GLCCI1: variants seen among roughly 807,000 people sequenced by gnomAD.
GLCCI1 encodes the protein glucocorticoid induced 1.
GLCCI1 carries 24 observed loss-of-function variants against 52.2 expected under a neutral mutation model. The observed-to-expected ratio is 0.46, with a 90% CI of 0.33 to 0.65. The LOEUF (loss-of-function observed/expected upper bound fraction) is 0.65, where lower values mean the gene tolerates loss of function less well. Ranked by LOEUF, GLCCI1 falls within the 30% of genes least tolerant of loss-of-function variation. The pLI is 0.02. For missense variants in GLCCI1, 704 were observed against 701.5 expected (o/e 1.00, Z -0.04); for synonymous variants, 310 against 276.5 (o/e 1.12, Z -1.20).
chr7:7,995,181 CT>C lies in GLCCI1; in HGVS notation c.458-8722del, dbSNP rs144763752. 2.2e-3 allele frequency among the ~76,000 whole-genome samples: 329 copies of C among 152,204 alleles called. 2 individuals are homozygous for C. Among genetic ancestry groups the C allele is most frequent in the African/African-American group, 7.5e-3 (312 of 41,538 alleles). On this transcript the variant is annotated intron_variant, in intron 1 of 7. Transcript: ENST00000223145. Reference sequence around the variant, plus strand: ...AAAAAGCAAATTTTGAGGGAAAATGCTTTTTCCTATGTGTCATTATATTGAG... The same window carrying C: ...AAAAAGCAAATTTTGAGGGAAAATGCTTTTCCTATGTGTCATTATATTGAG...
chr7:8,021,050 T>C (rs1781474782), intron 2 of GLCCI1, among the ~76,000 whole-genome samples: 1 of 152,208 alleles, frequency 6.6e-6, no homozygotes, highest in African/African-American at 2.4e-5. Flanking sequence ...TAAAAACTTC[T>C]TTTTACTAGT....
chr7:7,994,829 A>G (rs969460902), intron 1 of GLCCI1, among the ~76,000 whole-genome samples: 1 of 152,218 alleles, frequency 6.6e-6, no homozygotes, highest in Non-Finnish European at 1.5e-5. Context: ...TATTTAATGG[A>G]CAGAAAATGC....
At chr7:8,010,160 AC>A (rs1193892664) in intron 2 of GLCCI1, among the ~76,000 whole-genome samples, 1 of 152,120 alleles carries the variant, frequency 6.6e-6, no homozygotes, top group African/African-American at 2.4e-5. Flanking sequence ...TCAAAATGTC[AC>A]CTCTTTTGAA....
chr7:8,079,100 A>G (rs566683443), intron 6 of GLCCI1, among the ~76,000 whole-genome samples: 140 of 152,256 alleles, frequency 9.2e-4, no homozygotes, highest in African/African-American at 3.3e-3. Context: ...AGAAGTTCCA[A>G]TGTTCTTTTT....
intron 1 of GLCCI1, among the ~76,000 whole-genome samples, chr7:7,976,230 G>A (rs1378532414): frequency 6.6e-6 from 1 of 152,166 alleles, no homozygotes; most frequent in Non-Finnish European, 1.5e-5. Context: ...TGTAATCCCA[G>A]CACTTTGGGA....
At chr7:8,073,364 T>TAAG (rs1562450849) in intron 6 of GLCCI1, among the ~76,000 whole-genome samples, 1 of 152,188 alleles carries the variant, frequency 6.6e-6, no homozygotes. Flanking sequence ...AATTATCTAA[T>TAAG]AAGATGAATT....
intron 2 of GLCCI1, among the ~76,000 whole-genome samples, chr7:8,005,356 C>T (rs1029871901): frequency 2.0e-5 from 3 of 152,116 alleles, no homozygotes; most frequent in Middle Eastern, 6.8e-3. Flanking sequence ...AGGGTGCACA[C>T]ACACAAGAAA....
At chr7:7,990,731 A>G (rs1389252035) in intron 1 of GLCCI1, among the ~76,000 whole-genome samples, 1 of 152,032 alleles carries the variant, frequency 6.6e-6, no homozygotes, top group East Asian at 1.9e-4. Context: ...GAAGCACTCA[A>G]TTTTGGATAA....
intron 1 of GLCCI1, among the ~76,000 whole-genome samples, chr7:8,000,565 C>T (rs923807056): frequency 6.6e-6 from 1 of 151,770 alleles, no homozygotes; most frequent in African/African-American, 2.4e-5. Context: ...AGGCTCGCTA[C>T]AATGTTTTTT....
intron 6 of GLCCI1, among the ~76,000 whole-genome samples, chr7:8,084,378 A>T (rs939113996): frequency 3.3e-5 from 5 of 152,136 alleles, no homozygotes; most frequent in African/African-American, 1.2e-4. Flanking sequence ...TTGGGTAGGT[A>T]GAAAGAGACA....
chr7:8,063,490 T>G (rs902413071), intron 5 of GLCCI1, among the ~76,000 whole-genome samples: 1 of 152,058 alleles, frequency 6.6e-6, no homozygotes, highest in African/African-American at 2.4e-5. Context: ...TGTGAGATGG[T>G]ATCTCATTGT....
chr7:7,993,100 T>C (rs1780873554), intron 1 of GLCCI1, among the ~76,000 whole-genome samples: 1 of 152,186 alleles, frequency 6.6e-6, no homozygotes, highest in Non-Finnish European at 1.5e-5. Flanking sequence ...CATAGGGACA[T>C]CTTTTATTCT....
At chr7:7,971,514 C>G (rs886763979) in intron 1 of GLCCI1, among the ~76,000 whole-genome samples, 3 of 152,168 alleles carry the variant, frequency 2.0e-5, no homozygotes, top group African/African-American at 7.2e-5. Flanking sequence ...ATAAGCATTG[C>G]AGATTGTGTA....
chr7:8,058,885 T>G (rs868856014), intron 4 of GLCCI1, among the ~76,000 whole-genome samples: 1 of 152,214 alleles, frequency 6.6e-6, no homozygotes, highest in Non-Finnish European at 1.5e-5. Context: ...TCACTTAACA[T>G]ATTTTGTATG....
rs1368242845 is a variant in GLCCI1, at chr7:8,086,235, C to T, written c.1341C>T (p.Asp447=). The change falls in exon 8 of 8, where the codon GAC becomes GAT. Residue 447 remains aspartate (D), a synonymous_variant. Coordinates refer to ENST00000223145, the MANE Select transcript of GLCCI1 (RefSeq NM_138426.4). This position sits in a 1 kb window ranked among gnomAD's most constrained non-coding sequence, Gnocchi z 4.4. ...PISAPLFSCP[D]KNKVNFIPTG... ...CGGCCCCTCTCTTTTCATGTCCTGA[C>T]AAAAACAAGGTTAATTTCATCCCAA... The T allele has an allele frequency of 6.2e-7, 1 of 1,614,084 alleles. No homozygotes were observed. Among genetic ancestry groups the T allele is most frequent in the Non-Finnish European group, 8.5e-7 (1 of 1,180,008 alleles).
chr7:7,981,786 TA>T, intron 1 of GLCCI1: 2 of 400,960 alleles, frequency 5.0e-6, no homozygotes, highest in East Asian at 6.5e-5. Flanking sequence ...AGGAACAGGA[TA>T]AACCATCTAA....
Position 8,056,757 on chromosome 7 carries a change from GAATA to G in GLCCI1, c.813+1214_813+1217del, listed in dbSNP as rs987766228. ...AAAACTCAGTATCTTGTGATTAAAAGAATAAATAACCTCTTACTAAACTAAAAAT... is the reference window on the plus strand; with the variant it reads ...AAAACTCAGTATCTTGTGATTAAAAGAATAACCTCTTACTAAACTAAAAAT... On this transcript the variant is annotated intron_variant, in intron 4 of 7. Coordinates refer to ENST00000223145, the MANE Select transcript of GLCCI1 (RefSeq NM_138426.4). Among the ~76,000 whole-genome samples the G allele has an allele frequency of 9.4e-4, 143 of 152,174 alleles. 1 individual carries two copies. The highest frequency in any genetic ancestry group is 3.2e-3 in the African/African-American group (131 of 41,538).
At chr7:8,050,198 T>G (rs1584000683) in intron 3 of GLCCI1, among the ~76,000 whole-genome samples, 1 of 152,134 alleles carries the variant, frequency 6.6e-6, no homozygotes, top group African/African-American at 2.4e-5. Flanking sequence ...TGCTTACAGA[T>G]GACCCTCCCT....
intron 3 of GLCCI1, among the ~76,000 whole-genome samples, chr7:8,037,345 C>T (rs34466770): frequency 0.15 from 22,562 of 152,118 alleles, 1,837 homozygotes; most frequent in East Asian, 0.27. Context: ...ACGTGAATGC[C>T]AAAGGAATTC....
Sources: allele counts gnomAD v4.1 joint callset (sites outside exome capture counted in the v4.1 genomes callset), GRCh38; gene constraint gnomAD v4.1.1; non-coding constraint Gnocchi (gnomAD v3.1); transcripts MANE v1.5; gene names NCBI Gene and HGNC (gene_info 2026-07-23, HGNC 2026-07-21).